The following MACROD2 variants were observed in gnomAD, a reference collection of about 807,000 sequenced individuals.
MACROD2 encodes mono-ADP ribosylhydrolase 2.
A neutral mutation model predicts 70.4 loss-of-function variants in MACROD2; 36 were observed. The observed-to-expected ratio is 0.51, with a 90% CI of 0.39 to 0.68. The LOEUF (loss-of-function observed/expected upper bound fraction) is 0.68. MACROD2 is among the 30% of genes least tolerant of loss of function. MACROD2 has a pLI of 0.00. For missense variants in MACROD2, 496 were observed against 538.4 expected, an observed-to-expected ratio of 0.92 and a Z score of 0.78; for synonymous variants, 172 against 178.8, an observed-to-expected ratio of 0.96 and a Z score of 0.30.
At chr20:15,803,849 A>G (rs915239275) in intron 8 of MACROD2, among the ~76,000 whole-genome samples, 1 of 152,224 alleles carries the variant, frequency 6.6e-6, no homozygotes, top group African/African-American at 2.4e-5. Flanking sequence ...AATAAAAACA[A>G]TAAAATTCTA....
chr20:14,249,705 G>A (rs139308838), intron 3 of MACROD2, among the ~76,000 whole-genome samples: 12 of 152,070 alleles, frequency 7.9e-5, no homozygotes, highest in East Asian at 3.9e-4. Context: ...AAGTTCTATC[G>A]TACCTTGTAA....
At chr20:15,275,528 A>G (rs1350326400) in intron 6 of MACROD2, among the ~76,000 whole-genome samples, 3 of 152,210 alleles carry the variant, frequency 2.0e-5, no homozygotes, top group Admixed American at 6.5e-5. Context: ...CTGGGCATCA[A>G]ATTTACTGCA....
At chr20:14,299,686 C>T (rs1413305156) in intron 3 of MACROD2, among the ~76,000 whole-genome samples, 1 of 152,052 alleles carries the variant, frequency 6.6e-6, no homozygotes, top group Non-Finnish European at 1.5e-5. Flanking sequence ...AACTTAAAAA[C>T]AAACCCTGAC....
chr20:15,084,075 T>TTTGTTTTTTTGG (rs1555780905), intron 5 of MACROD2, among the ~76,000 whole-genome samples: 23 of 50,184 alleles, frequency 4.6e-4, no homozygotes, highest in African/African-American at 2.0e-3. Context: ...TTTTTTTGTT[T>TTTGTTTTTTTGG]TTTTTTTTTA....
At chr20:14,831,087 C>T (rs16995054) in intron 5 of MACROD2, among the ~76,000 whole-genome samples, 29,376 of 151,970 alleles carry the variant, frequency 0.19, 3,063 homozygotes, top group East Asian at 0.23. Flanking sequence ...CCTCACTTTG[C>T]TCACCTGGGT....
intron 15 of MACROD2, among the ~76,000 whole-genome samples, chr20:16,018,574 T>A (rs2066961109): frequency 6.6e-6 from 1 of 152,172 alleles, no homozygotes; most frequent in Non-Finnish European, 1.5e-5. Context: ...ACCAAAATTA[T>A]CTTTAACCGG....
intron 3 of MACROD2, among the ~76,000 whole-genome samples, chr20:14,267,936 A>T (rs1316588137): frequency 6.6e-6 from 1 of 151,344 alleles, no homozygotes; most frequent in African/African-American, 2.4e-5. Context: ...TAGGATATCA[A>T]TTTTTTATTA....
intron 5 of MACROD2, among the ~76,000 whole-genome samples, chr20:14,875,869 G>C (rs2073544872): frequency 6.6e-6 from 1 of 151,916 alleles, no homozygotes; most frequent in Non-Finnish European, 1.5e-5. Flanking sequence ...ACCACGTTTT[G>C]TTTATTCAGT....
At chr20:14,645,429 A>C (rs539000689) in intron 4 of MACROD2, among the ~76,000 whole-genome samples, 13 of 152,136 alleles carry the variant, frequency 8.5e-5, no homozygotes, top group South Asian at 8.3e-4. Context: ...AAATGTTGGG[A>C]ACACAGAATT....
intron 10 of MACROD2, among the ~76,000 whole-genome samples, chr20:15,928,638 A>G (rs6043622): frequency 0.031 from 4,786 of 152,294 alleles, 237 homozygotes; most frequent in African/African-American, 0.11. Flanking sequence ...TGCCTCATGC[A>G]GTTTTTATGA....
At chr20:14,470,442 A>G (rs1272932868) in intron 3 of MACROD2, among the ~76,000 whole-genome samples, 1 of 152,176 alleles carries the variant, frequency 6.6e-6, no homozygotes, top group East Asian at 1.9e-4. Flanking sequence ...GTCCCTTAGC[A>G]GAGCTCAAGT....
chr20:14,590,040 G>C (rs900624938), intron 4 of MACROD2, among the ~76,000 whole-genome samples: 1 of 152,056 alleles, frequency 6.6e-6, no homozygotes, highest in Non-Finnish European at 1.5e-5. Context: ...GTGGATATTA[G>C]ACAGTTTTTT....
At position 15,227,461 on chromosome 20, in the gene MACROD2, G is replaced by T. The variant is rs548032635; in HGVS notation, c.419-2479G>T. Among the ~76,000 whole-genome samples, 8 of 151,808 alleles carry T rather than the reference G, an allele frequency of 5.3e-5. No individual in the cohort carries two copies. The South Asian group carries it at 1.7e-3, about 32-fold the overall frequency. ...TGTTTTTTATTACTCCAGATAAGAG[G>T]CACTTATTCTTGATCTTCTCCATCC... On this transcript the variant is annotated intron_variant, in intron 5 of 17. Transcript: ENST00000684519.
intron 5 of MACROD2, among the ~76,000 whole-genome samples, chr20:14,710,386 A>T (rs1279110411): frequency 1.3e-5 from 2 of 152,204 alleles, no homozygotes; most frequent in Non-Finnish European, 2.9e-5. Context: ...CAAAAAATGA[A>T]GTTTAGTGAT....
intron 5 of MACROD2, among the ~76,000 whole-genome samples, chr20:14,876,696 T>TC (rs1288794870): frequency 1.3e-5 from 2 of 152,196 alleles, no homozygotes; most frequent in Non-Finnish European, 2.9e-5. Context: ...TAGCCACTTA[T>TC]CCCAGCACCA....
chr20:14,659,126 C>A (rs1485839074), intron 4 of MACROD2, among the ~76,000 whole-genome samples: 1 of 151,986 alleles, frequency 6.6e-6, no homozygotes, highest in Non-Finnish European at 1.5e-5. Flanking sequence ...CTGTGGGAAC[C>A]AAAGCCTTAC....
chr20:14,243,271 G>A (rs6074711), intron 3 of MACROD2, among the ~76,000 whole-genome samples: 56,137 of 151,966 alleles, frequency 0.37, 12,483 homozygotes, highest in Non-Finnish European at 0.5. Flanking sequence ...TATACATTTA[G>A]TTTGAAACAA....
intron 3 of MACROD2, among the ~76,000 whole-genome samples, chr20:14,211,450 T>C (rs976960166): frequency 6.6e-6 from 1 of 152,140 alleles, no homozygotes; most frequent in African/African-American, 2.4e-5. Flanking sequence ...GGCAGAAATA[T>C]TGATATATTT....
At chr20:15,703,069 C>A (rs1384457907) in intron 8 of MACROD2, among the ~76,000 whole-genome samples, 1 of 152,194 alleles carries the variant, frequency 6.6e-6, no homozygotes, top group African/African-American at 2.4e-5. Flanking sequence ...ATAAACGGTG[C>A]TGGGATAGCT....
Sources: allele counts gnomAD v4.1 joint callset (sites outside exome capture counted in the v4.1 genomes callset), GRCh38; gene constraint gnomAD v4.1.1; transcripts MANE v1.5; gene names NCBI Gene and HGNC (gene_info 2026-07-23, HGNC 2026-07-21).